The following PCLO variants were observed in gnomAD, a reference collection of about 807,000 sequenced individuals.
PCLO encodes the protein piccolo presynaptic cytomatrix protein, also known as protein piccolo.
PCLO carries 82 observed loss-of-function variants against 427.5 expected under a neutral mutation model. The ratio of observed to expected loss-of-function variants is 0.19; its 90% confidence interval spans 0.16 to 0.23. PCLO has a LOEUF of 0.23. Ranked by LOEUF, PCLO falls within the 10% of genes least tolerant of loss-of-function variation. The pLI, the probability that PCLO is intolerant of heterozygous loss-of-function variation, is 1.00. For missense variants in PCLO, 6,239 were observed against 6,115.9 expected (o/e 1.02, Z -0.67); for synonymous variants, 2,357 against 2,155.4 (o/e 1.09, Z -2.59).
chr7:82,788,734 C>T (rs1791037526), intron 22 of PCLO, among the ~76,000 whole-genome samples: 1 of 152,034 alleles, frequency 6.6e-6, no homozygotes, highest in African/African-American at 2.4e-5. Flanking sequence ...TCCACACACA[C>T]ACTCACATAC....
intron 3 of PCLO, among the ~76,000 whole-genome samples, chr7:83,114,922 T>G (rs1284446133): frequency 2.6e-5 from 4 of 152,086 alleles, no homozygotes; most frequent in Admixed American, 2.6e-4. Flanking sequence ...TCAAGTCTAT[T>G]ATTAAGGGTT....
chr7:83,048,990 A>C (rs576869587), intron 3 of PCLO, among the ~76,000 whole-genome samples: 1 of 152,280 alleles, frequency 6.6e-6, no homozygotes, highest in East Asian at 1.9e-4. Flanking sequence ...TTATTAGAAC[A>C]GATTGCTTAG....
At chr7:82,805,210 T>C (rs889841656) in intron 21 of PCLO, among the ~76,000 whole-genome samples, 2 of 152,186 alleles carry the variant, frequency 1.3e-5, no homozygotes, top group Admixed American at 6.5e-5. Context: ...ACCTTCAATG[T>C]TAATTGTAGA....
rs1417841655 is a variant in PCLO, at chr7:82,805,888, C to T, written c.14792-59G>A. ...AATAAATGAAGCTGACATTGATCTACAAATGCATCATTATACATCTTCTTA... is the reference window on the plus strand; with the variant it reads ...AATAAATGAAGCTGACATTGATCTATAAATGCATCATTATACATCTTCTTA... On this transcript the variant is annotated intron_variant, in intron 20 of 24. Coordinates refer to ENST00000333891, the MANE Select transcript of PCLO (RefSeq NM_033026.6). 1.4e-5 allele frequency: 21 copies of T among 1,480,516 alleles called. No homozygotes were observed. In the Admixed American group the frequency reaches 4.1e-4, roughly 29 times the overall value. 91.7% of individuals were successfully genotyped at this position (1,480,516 alleles called of 1,614,324 possible).
At chr7:82,775,208 G>C (rs1435625476) in intron 22 of PCLO, among the ~76,000 whole-genome samples, 1 of 152,130 alleles carries the variant, frequency 6.6e-6, no homozygotes, top group East Asian at 1.9e-4. Flanking sequence ...TCCATGGGCA[G>C]GTTTTTTTGT....
chr7:83,141,724 G>C (rs1791866378), intron 2 of PCLO, among the ~76,000 whole-genome samples: 1 of 152,104 alleles, frequency 6.6e-6, no homozygotes, highest in African/African-American at 2.4e-5. Context: ...TAAAGTCTTT[G>C]ATAGATAATC....
intron 4 of PCLO, among the ~76,000 whole-genome samples, chr7:82,962,879 G>A (rs962796729): frequency 1.3e-5 from 2 of 151,960 alleles, no homozygotes; most frequent in East Asian, 3.9e-4. Flanking sequence ...ATATTTTGAA[G>A]AATATTTATT....
rs535049447 is a variant in PCLO at position 82,915,307 on chromosome 7, T to C, written c.12679A>G (p.Ile4227Val). The C allele has an allele frequency of 8.1e-5, 130 of 1,613,596 alleles. 2 individuals are homozygous for C. In the South Asian group the frequency reaches 1.3e-3, roughly 16 times the overall value. Residue 4227 changes from isoleucine (I) to valine (V), a missense_variant, in exon 7 of 25, where the codon ATT becomes GTT. Physicochemically the swap from Ile to Val is conservative, Grantham distance 29 (BLOSUM62 3). Coordinates refer to ENST00000333891, the MANE Select transcript of PCLO (RefSeq NM_033026.6). Reference sequence around the variant, plus strand: ...CTTGCCCTGGAGGAAATGCCACCAATAGATGAAGTGCTAGAAGTCATATAG... The same window carrying C: ...CTTGCCCTGGAGGAAATGCCACCAACAGATGAAGTGCTAGAAGTCATATAG... The part of the protein sequence containing the change: ...SSYMTSSTSS[I>V]GGISSRARLL...
chr7:82,837,259 C>G (rs368113138), intron 15 of PCLO, among the ~76,000 whole-genome samples: 79 of 152,058 alleles, frequency 5.2e-4, no homozygotes, highest in African/African-American at 1.8e-3. Context: ...TAAGTGATAA[C>G]TGTTGAGGCT....
intron 6 of PCLO, among the ~76,000 whole-genome samples, chr7:82,942,468 A>G (rs1420683248): frequency 6.6e-6 from 1 of 152,138 alleles, no homozygotes; most frequent in Non-Finnish European, 1.5e-5. Flanking sequence ...TTTTCTGAAA[A>G]TCTTTTCCTT....
chr7:83,106,445 C>T (rs1388171318), intron 3 of PCLO, among the ~76,000 whole-genome samples: 1 of 152,166 alleles, frequency 6.6e-6, no homozygotes, highest in East Asian at 1.9e-4. Context: ...GAAGTAAATA[C>T]TTTGATTTGC....
rs573885256 is a variant in PCLO, at chr7:82,958,506, T to C, written c.4018-1571A>G. ...AAATATATACCTTTATTATGCATGG[T>C]CAATGATCTATCCTGAGCATATTAC... is the stretch of plus-strand genomic sequence containing the variant. On this transcript the variant is annotated intron_variant, in intron 4 of 24. Coordinates refer to ENST00000333891, the MANE Select transcript of PCLO (RefSeq NM_033026.6). Among the ~76,000 whole-genome samples the C allele has an allele frequency of 2.6e-5, 4 of 152,286 alleles. No homozygotes were observed. In the East Asian group the frequency reaches 7.7e-4, roughly 29 times the overall value.
In PCLO at chr7:82,950,873, G is replaced by A. The variant is rs377059138; in HGVS notation, c.9715C>T (p.Arg3239Cys). The A allele has an allele frequency of 2.2e-5, 35 of 1,613,226 alleles. No homozygotes were observed. Among genetic ancestry groups the A allele is most frequent in the African/African-American group, 9.3e-5 (7 of 74,870 alleles). The change falls in exon 6 of 25, where the codon CGT becomes TGT. Residue 3239 changes from arginine (R) to cysteine (C), a missense_variant. By Grantham distance (180) the Arg-to-Cys change is radical. This residue lies in a region of PCLO where 4,677 missense variants were observed against 4,468.4 expected (regional missense o/e 1.05). Coordinates refer to ENST00000333891, the MANE Select transcript of PCLO (RefSeq NM_033026.6). The part of the protein sequence containing the change: ...QRFAEELEWE[R>C]QEIQRFREQE... ...TCTCGGAACCTTTGAATTTCCTGAC[G>A]TTCCCACTCCAATTCCTCAGCAAAG...
At chr7:82,857,395 C>A (rs2115887076) in intron 10 of PCLO, among the ~76,000 whole-genome samples, 1 of 152,134 alleles carries the variant, frequency 6.6e-6, no homozygotes, top group East Asian at 1.9e-4. Flanking sequence ...ATGTTGATAA[C>A]CTTTATGATA....
intron 3 of PCLO, among the ~76,000 whole-genome samples, chr7:82,990,352 A>G (rs951788474): frequency 4.6e-5 from 7 of 152,218 alleles, no homozygotes; most frequent in Non-Finnish European, 1.0e-4. Flanking sequence ...ATCAAGGACA[A>G]GATGGATTTT....
At position 83,134,866 on chromosome 7, in the gene PCLO, G is replaced by T; in HGVS notation, c.2684C>A (p.Ser895Tyr). The change falls in exon 3 of 25, where the codon TCC (serine) becomes TAC (tyrosine). Residue 895 changes from serine to tyrosine, a missense_variant. Ser to Tyr is a moderately radical substitution (Grantham distance 144, BLOSUM62 -2). This residue lies in a region of PCLO where 4,677 missense variants were observed against 4,468.4 expected (regional missense o/e 1.05). Coordinates refer to ENST00000333891, the MANE Select transcript of PCLO (RefSeq NM_033026.6). ...AGQTVPTPQQSPKPQEQSRRF... is the reference protein window; with the variant it reads ...AGQTVPTPQQYPKPQEQSRRF... ...CCTTGACTGCTCCTGAGGCTTTGGG[G>T]ACTGTTGAGGTGTGGGGACAGTTTG... 1 of 1,608,180 alleles carries T rather than the reference G, an allele frequency of 6.2e-7. No individual in the cohort carries two copies. The highest frequency in any genetic ancestry group is 1.1e-5 in the South Asian group (1 of 90,178).
At chr7:82,785,388 T>G (rs767547486) in intron 22 of PCLO, among the ~76,000 whole-genome samples, 1 of 152,166 alleles carries the variant, frequency 6.6e-6, no homozygotes. Context: ...CCTCCTACTG[T>G]GTGGCCTGGT....
intron 10 of PCLO, among the ~76,000 whole-genome samples, chr7:82,869,500 A>G (rs1793177265): frequency 6.6e-6 from 1 of 152,104 alleles, no homozygotes; most frequent in Non-Finnish European, 1.5e-5. Context: ...CAGAATTTAT[A>G]TGCAAAACCA....
intron 8 of PCLO, among the ~76,000 whole-genome samples, chr7:82,906,962 T>C (rs949520715): frequency 6.6e-6 from 1 of 152,000 alleles, no homozygotes; most frequent in Non-Finnish European, 1.5e-5. Flanking sequence ...CTCTGCTTAA[T>C]TTTGACATTA....
Sources: allele counts gnomAD v4.1 joint callset (sites outside exome capture counted in the v4.1 genomes callset), GRCh38; gene constraint gnomAD v4.1.1; regional missense constraint gnomAD v4.1.1; transcripts MANE v1.5; gene names NCBI Gene and HGNC (gene_info 2026-07-23, HGNC 2026-07-21).